PVT1: variants seen among roughly 807,000 people sequenced by gnomAD.
PVT1 encodes the protein Pvt1 oncogene.
chr8:127,824,894 T>A (rs1814769648), intron 2 of PVT1, among the ~76,000 whole-genome samples: 1 of 151,958 alleles, frequency 6.6e-6, no homozygotes, highest in Non-Finnish European at 1.5e-5. Context: ...CCGAGGTGGG[T>A]GGAACACTTG....
At chr8:127,799,074 G>A (rs976581110) in intron 2 of PVT1, among the ~76,000 whole-genome samples, 4 of 152,024 alleles carry the variant, frequency 2.6e-5, no homozygotes, top group Admixed American at 1.3e-4. Context: ...GCGAAATTCC[G>A]AACTATCTGT....
intron 4 of PVT1, among the ~76,000 whole-genome samples, chr8:128,020,150 C>T (rs1455339281): frequency 6.6e-6 from 1 of 152,198 alleles, no homozygotes; most frequent in Non-Finnish European, 1.5e-5. Flanking sequence ...ATGTCTCAAC[C>T]TGTTTCCTGT....
chr8:127,863,875 G>T (rs557633642), intron 2 of PVT1, among the ~76,000 whole-genome samples: 4 of 152,254 alleles, frequency 2.6e-5, no homozygotes, highest in African/African-American at 9.6e-5. Flanking sequence ...GCTTTGCTTT[G>T]GTGCCTGGAT....
At chr8:127,975,091 T>C (rs1816809127) in intron 3 of PVT1, among the ~76,000 whole-genome samples, 1 of 152,242 alleles carries the variant, frequency 6.6e-6, no homozygotes, top group African/African-American at 2.4e-5. Flanking sequence ...AAGTGCCTAG[T>C]AGTTTGCCGT....
At chr8:127,948,229 G>C (rs1018497308) in intron 3 of PVT1, 3 of 322,388 alleles carry the variant, frequency 9.3e-6, no homozygotes, top group South Asian at 8.6e-5. Flanking sequence ...CTCTTGAAAA[G>C]CAGCTGCTGA....
chr8:128,087,632 C>A (rs1382446264), intron 5 of PVT1, among the ~76,000 whole-genome samples: 3 of 152,138 alleles, frequency 2.0e-5, no homozygotes, highest in Non-Finnish European at 4.4e-5. Context: ...CAAAGAATGC[C>A]AGGGCTATGC....
intron 4 of PVT1, among the ~76,000 whole-genome samples, chr8:127,996,888 A>G (rs1391509520): frequency 6.6e-6 from 1 of 152,090 alleles, no homozygotes. Context: ...CTGGCTGGGA[A>G]GAAGGCTCTT....
intron 2 of PVT1, among the ~76,000 whole-genome samples, chr8:127,850,836 T>C (rs1296138101): frequency 6.6e-6 from 1 of 152,008 alleles, no homozygotes; most frequent in Non-Finnish European, 1.5e-5. Flanking sequence ...CTGGCCAACA[T>C]GGCAAAACCC....
chr8:128,050,206 T>G (rs539007658), intron 4 of PVT1, among the ~76,000 whole-genome samples: 44 of 152,342 alleles, frequency 2.9e-4, no homozygotes, highest in African/African-American at 9.4e-4. Context: ...TCCTTCCTGT[T>G]GGTGCCCACT....
chr8:128,087,651 T>C (rs1351697086), intron 5 of PVT1, among the ~76,000 whole-genome samples: 1 of 152,190 alleles, frequency 6.6e-6, no homozygotes, highest in Non-Finnish European at 1.5e-5. Flanking sequence ...GCCTCCTATT[T>C]ACTTTGAATG....
intron 5 of PVT1, among the ~76,000 whole-genome samples, chr8:128,083,820 G>A (rs1292886945): frequency 6.6e-6 from 1 of 152,108 alleles, no homozygotes; most frequent in African/African-American, 2.4e-5. Flanking sequence ...GTGTAACCTG[G>A]GTCTCTCATT....
chr8:128,065,327 G>C (rs939303007), intron 4 of PVT1, among the ~76,000 whole-genome samples: 1 of 152,114 alleles, frequency 6.6e-6, no homozygotes, highest in Non-Finnish European at 1.5e-5. Context: ...GAGTAGCTGG[G>C]ATTACAGGCA....
At chr8:127,956,295 C>T (rs1816567949) in intron 3 of PVT1, among the ~76,000 whole-genome samples, 1 of 152,236 alleles carries the variant, frequency 6.6e-6, no homozygotes, top group Non-Finnish European at 1.5e-5. Flanking sequence ...GCCCCTCATC[C>T]ATCCAGCACC....
At chr8:127,855,292 G>A (rs1218849413) in intron 2 of PVT1, 1 of 398,480 alleles carries the variant, frequency 2.5e-6, no homozygotes, top group African/African-American at 2.1e-5. Context: ...GAAGCAGCTG[G>A]GGGCCTTGGC....
intron 2 of PVT1, among the ~76,000 whole-genome samples, chr8:127,867,601 G>C (rs899111094): frequency 1.3e-5 from 2 of 152,208 alleles, no homozygotes; most frequent in African/African-American, 4.8e-5. Context: ...CTGTTGGGAT[G>C]GTAATGCCCT....
chr8:128,045,363 A>C (rs1813598417), intron 4 of PVT1, among the ~76,000 whole-genome samples: 2 of 152,196 alleles, frequency 1.3e-5, no homozygotes, highest in Admixed American at 1.3e-4. Context: ...AAACATGTTA[A>C]ATAAAAATGC....
chr8:128,053,031 G>T (rs1813717321), intron 4 of PVT1, among the ~76,000 whole-genome samples: 1 of 152,198 alleles, frequency 6.6e-6, no homozygotes, highest in Non-Finnish European at 1.5e-5. Flanking sequence ...CTCAGCAAAT[G>T]GGTGGTGCAT....
chr8:127,939,299 G>T (rs1027495127), intron 3 of PVT1, among the ~76,000 whole-genome samples: 1 of 152,192 alleles, frequency 6.6e-6, no homozygotes, highest in Admixed American at 6.5e-5. Context: ...AGGCACACAG[G>T]CTTCATGGAT....
At chr8:127,945,016 G>T (rs1173932723) in intron 3 of PVT1, among the ~76,000 whole-genome samples, 1 of 152,104 alleles carries the variant, frequency 6.6e-6, no homozygotes, top group African/African-American at 2.4e-5. Context: ...ACTTTCCCCT[G>T]GGGGTCAAGG....
Sources: allele counts gnomAD v4.1 joint callset (sites outside exome capture counted in the v4.1 genomes callset), GRCh38; gene constraint gnomAD v4.1.1; transcripts MANE v1.5; gene names NCBI Gene and HGNC (gene_info 2026-07-23, HGNC 2026-07-21).